Variants in TRAPPC10 observed in about 807,000 individuals in gnomAD.
TRAPPC10 encodes the protein trafficking protein particle complex subunit 10.
Under a neutral mutation model 125.5 loss-of-function variants are expected in TRAPPC10, and 23 were observed. The ratio of observed to expected loss-of-function variants is 0.18; its 90% CI spans 0.13 to 0.26. The LOEUF (loss-of-function observed/expected upper bound fraction) is 0.26, where lower values mean the gene tolerates loss of function less well. Ranked by LOEUF, TRAPPC10 falls within the 10% of genes least tolerant of loss-of-function variation. The pLI, the probability that TRAPPC10 is intolerant of heterozygous loss-of-function variation, is 1.00. For synonymous variants in TRAPPC10, 509 were observed against 518.0 expected (o/e 0.98, Z 0.24); for missense variants, 1,123 against 1,308.4 (o/e 0.86, Z 2.19).
intron 1 of TRAPPC10, among the ~76,000 whole-genome samples, chr21:44,024,424 A>G (rs551309431): frequency 1.3e-5 from 2 of 152,340 alleles, no homozygotes; most frequent in Admixed American, 6.5e-5. Context: ...GGGCCACTGA[A>G]TAGAACATCA....
chr21:44,014,603 T>G (rs918261190), intron 1 of TRAPPC10, among the ~76,000 whole-genome samples: 17 of 151,236 alleles, frequency 1.1e-4, no homozygotes, highest in African/African-American at 3.7e-4. Flanking sequence ...GTTTTTTTTT[T>G]TTTTCAGTAG....
At chr21:44,062,468 G>A (rs982082934) in intron 6 of TRAPPC10, 28 of 857,290 alleles carry the variant, frequency 3.3e-5, no homozygotes, top group Non-Finnish European at 3.6e-5. Flanking sequence ...GGGCACTGGA[G>A]TGGCCTCCCT....
intron 9 of TRAPPC10, 86 bp from the exon 10 acceptor site, chr21:44,076,466 T>C: frequency 9.7e-7 from 1 of 1,030,482 alleles, no homozygotes; most frequent in East Asian, 2.4e-5. Context: ...TGAGGTCATC[T>C]ACCTGCAGTA....
chr21:44,089,955 G>T (rs1601826885), intron 18 of TRAPPC10, 22 bp downstream of exon 18: 2 of 1,585,378 alleles, frequency 1.3e-6, no homozygotes, highest in Non-Finnish European at 1.7e-6. Context: ...GTAGCGTGCG[G>T]GCCCTGGCTT....
chr21:44,084,030 G>T, intron 14 of TRAPPC10, 92 bp from the exon 15 acceptor site: 1 of 1,462,414 alleles, frequency 6.8e-7, no homozygotes, highest in African/African-American at 1.4e-5. Flanking sequence ...GGCCTTTCTG[G>T]AGTTCAGAGA....
chr21:44,025,438 T>G (rs2032947649), intron 1 of TRAPPC10, among the ~76,000 whole-genome samples: 1 of 152,242 alleles, frequency 6.6e-6, no homozygotes, highest in Non-Finnish European at 1.5e-5. Flanking sequence ...CTGTGTTTAT[T>G]TAAAAAATGT....
At position 44,077,858 on chromosome 21, in the gene TRAPPC10, A is replaced by G. The variant is rs1186899031; in HGVS notation, c.1469+74A>G. 6.1e-6 allele frequency: 7 copies of G among 1,153,182 alleles called. No homozygotes were observed. In the Admixed American group the frequency reaches 7.8e-5, roughly 13 times the overall value. 71.4% of individuals were successfully genotyped at this position (1,153,182 alleles called of 1,614,324 possible). A position where few individuals can be genotyped will look rare whatever the true frequency, so the allele number is the denominator to read the frequency against. The stretch of plus-strand genomic sequence containing the variant: ...GAGAAGATTTGTTATATATGGAGTT[A>G]GTATAAAGTGCACATAAATTTGTAG... On this transcript the variant is annotated intron_variant, in intron 11 of 22. Coordinates refer to ENST00000291574, the MANE Select transcript of TRAPPC10 (RefSeq NM_003274.5).
chr21:44,067,753 T>G (rs1028572690), intron 7 of TRAPPC10, among the ~76,000 whole-genome samples: 3 of 152,104 alleles, frequency 2.0e-5, no homozygotes, highest in Non-Finnish European at 2.9e-5. Context: ...TCAGGTCAGC[T>G]TGGTAAACAT....
intron 1 of TRAPPC10, among the ~76,000 whole-genome samples, chr21:44,022,066 G>A (rs1304385812): frequency 8.4e-6 from 1 of 118,434 alleles, no homozygotes; most frequent in African/African-American, 3.6e-5. Flanking sequence ...TTTCTTTCAT[G>A]GTATTTTTTA....
At chr21:44,095,222 T>A (rs550117147) in intron 20 of TRAPPC10, among the ~76,000 whole-genome samples, 1 of 150,652 alleles carries the variant, frequency 6.6e-6, no homozygotes, top group East Asian at 1.9e-4. Context: ...TAATTATTTT[T>A]ATTTTATTTT....
chr21:44,075,084 C>A lies in TRAPPC10; in HGVS notation c.1231C>A (p.Pro411Thr), dbSNP rs1273446255. ...ATGTGGACTTGTGTCAGAGAAAGGA[C>A]CTAACTCAGAAGATCTCAACAGGAC... ...YLCGLVSEKGPNSEDLNRTVD... is the reference protein window; with the variant it reads ...YLCGLVSEKGTNSEDLNRTVD... Residue 411 changes from proline to threonine, a missense_variant, in exon 9 of 23, where the codon CCT becomes ACT. Transcript: ENST00000291574. 6.2e-7 allele frequency: 1 copy of A among 1,613,994 alleles called. No homozygotes were observed. Among genetic ancestry groups the A allele is most frequent in the Non-Finnish European group, 8.5e-7 (1 of 1,180,022 alleles).
intron 20 of TRAPPC10, among the ~76,000 whole-genome samples, chr21:44,095,726 G>A (rs1470189977): frequency 6.6e-6 from 1 of 151,902 alleles, no homozygotes; most frequent in Admixed American, 6.6e-5. Context: ...GTGCCACCAC[G>A]CCTGGCTAAT....
chr21:44,064,308 TGTGTGTGTGTG>T (rs2036275401), intron 7 of TRAPPC10, among the ~76,000 whole-genome samples: 2 of 66,888 alleles, frequency 3.0e-5, no homozygotes, highest in Non-Finnish European at 4.8e-5. Flanking sequence ...TAAATATGTG[TGTGTGTGTGTG>T]TGTGTGTGTG....
At chr21:44,089,727 T>A in intron 17 of TRAPPC10, 106 bp from the exon 18 acceptor site, 1 of 781,858 alleles carries the variant, frequency 1.3e-6, no homozygotes, top group South Asian at 1.5e-5. Context: ...CATAATAAAA[T>A]GTCTAGGGCG....
chr21:44,014,800 T>G (rs1356756230), intron 1 of TRAPPC10, among the ~76,000 whole-genome samples: 2 of 152,162 alleles, frequency 1.3e-5, no homozygotes, highest in Admixed American at 1.3e-4. Flanking sequence ...TTTCATTCAT[T>G]GGAGTCTCAG....
chr21:44,069,421 A>C (rs930058242), intron 7 of TRAPPC10, among the ~76,000 whole-genome samples: 5 of 152,226 alleles, frequency 3.3e-5, no homozygotes, highest in Non-Finnish European at 7.3e-5. Context: ...CTCATGAATC[A>C]TAGCAAAATG....
At chr21:44,022,753 C>T (rs1029498407) in intron 1 of TRAPPC10, among the ~76,000 whole-genome samples, 1 of 151,534 alleles carries the variant, frequency 6.6e-6, no homozygotes, top group Non-Finnish European at 1.5e-5. Flanking sequence ...CTTCATGTTC[C>T]CTCTGTCTCT....
intron 2 of TRAPPC10, among the ~76,000 whole-genome samples, chr21:44,035,007 GGT>G (rs1239372900): frequency 6.6e-6 from 1 of 152,222 alleles, no homozygotes; most frequent in Non-Finnish European, 1.5e-5. Flanking sequence ...TAAGCCTCCA[GGT>G]TTGTGGTAGT....
chr21:44,037,429 G>T (rs1188220146), intron 2 of TRAPPC10, among the ~76,000 whole-genome samples: 1 of 152,134 alleles, frequency 6.6e-6, no homozygotes, highest in Non-Finnish European at 1.5e-5. Context: ...CTGCACTTTG[G>T]ACATTTGGGA....
Sources: gnomAD v4.1 joint callset for allele counts (sites outside exome capture counted in the v4.1 genomes callset) on GRCh38, gnomAD v4.1.1 for gene constraint, MANE v1.5 for transcripts, NCBI Gene and HGNC (gene_info 2026-07-23, HGNC 2026-07-21) for gene names.